Variants in PPP2CA observed in about 807,000 individuals in gnomAD.
PPP2CA encodes the protein protein phosphatase 2 catalytic subunit alpha.
PPP2CA carries 5 observed loss-of-function variants against 38.8 expected under a neutral mutation model. The ratio of observed to expected loss-of-function variants is 0.13; its 90% CI spans 0.07 to 0.27. The LOEUF is 0.27. PPP2CA is among the 10% of genes least tolerant of loss of function. The probability of loss-of-function intolerance (pLI) is 1.00; values close to 1 mark genes in which losing one functional copy is unlikely to be tolerated. For synonymous variants in PPP2CA, 152 were observed against 134.0 expected, an observed-to-expected ratio of 1.13 and a Z score of -0.93; for missense variants, 88 against 389.7, an observed-to-expected ratio of 0.23 and a Z score of 6.52.
intron 1 of PPP2CA, among the ~76,000 whole-genome samples, chr5:134,215,324 C>G (rs1227557163): frequency 6.6e-6 from 1 of 152,126 alleles, no homozygotes; most frequent in African/African-American, 2.4e-5. Context: ...AATCCCAGCA[C>G]TTCGGGAGGC....
At chr5:134,199,045 T>C (rs773312106) in intron 6 of PPP2CA, 41 bp downstream of exon 6, 10 of 1,462,862 alleles carry the variant, frequency 6.8e-6, no homozygotes, top group Non-Finnish European at 9.6e-6. Context: ...AAACCCTACA[T>C]ATTCAGTAAT....
chr5:134,206,915 A>G (rs1762095276), intron 1 of PPP2CA, among the ~76,000 whole-genome samples: 1 of 152,258 alleles, frequency 6.6e-6, no homozygotes, highest in South Asian at 2.1e-4. Context: ...GAGAAGGACC[A>G]CAAACAAGTA....
intron 1 of PPP2CA, among the ~76,000 whole-genome samples, chr5:134,215,586 A>G (rs984421666): frequency 6.6e-6 from 1 of 151,864 alleles, no homozygotes; most frequent in African/African-American, 2.4e-5. Context: ...AAAAATAAAA[A>G]TAAAAATAAA....
chr5:134,220,678 C>A (rs995319320), intron 1 of PPP2CA, among the ~76,000 whole-genome samples: 17 of 152,130 alleles, frequency 1.1e-4, no homozygotes, highest in African/African-American at 4.1e-4. Flanking sequence ...AAAGACCCCA[C>A]CAAACCCAGT....
chr5:134,218,244 T>C (rs1762362569), intron 1 of PPP2CA, among the ~76,000 whole-genome samples: 1 of 152,216 alleles, frequency 6.6e-6, no homozygotes, highest in Non-Finnish European at 1.5e-5. Flanking sequence ...TTCTAGTAAC[T>C]AGTATTTTCT....
At chr5:134,205,721 T>G (rs1762069436) in intron 2 of PPP2CA, 1 of 515,174 alleles carries the variant, frequency 1.9e-6, no homozygotes, top group Non-Finnish European at 3.5e-6. Context: ...TTCATTCTCC[T>G]CCTTTTGTTT....
Position 134,194,614 on chromosome 5 carries a change from GTT to G in PPP2CA, c.*3156_*3157del, listed in dbSNP as rs1761805005. 6.6e-6 allele frequency: 1 copy of G among 152,246 alleles called. No homozygotes were observed. Among genetic ancestry groups the G allele is most frequent in the Admixed American group, 6.5e-5 (1 of 15,268 alleles). The allele number at this position is 152,246 out of a possible 1,614,324, so 9.4% of individuals were successfully genotyped here. On this transcript the variant is annotated 3_prime_UTR_variant, in exon 7 of 7. Coordinates refer to ENST00000481195, the MANE Select transcript of PPP2CA (RefSeq NM_002715.4). Reference sequence around the variant, plus strand: ...TGTACTTAGGAAACAGCAGTGAGGTGTTTTTGTTTTTTGAGATGGAGTTTTGC... The same window carrying G: ...TGTACTTAGGAAACAGCAGTGAGGTGTTTGTTTTTTGAGATGGAGTTTTGC...
Position 134,225,820 on chromosome 5 carries a change from G to T in PPP2CA, c.42C>A (p.Ile14=). 6.2e-7 allele frequency: 1 copy of T among 1,610,728 alleles called. No individual in the cohort carries two copies. Among genetic ancestry groups the T allele is most frequent in the Non-Finnish European group, 8.5e-7 (1 of 1,179,188 alleles). Reference sequence around the variant, plus strand: ...GCTGCTTGCACTCGTTCAGCTGCTCGATCCACTGGTCCAGCTCCTTGGTGA... The same window carrying T: ...GCTGCTTGCACTCGTTCAGCTGCTCTATCCACTGGTCCAGCTCCTTGGTGA... ...KVFTKELDQW[I]EQLNECKQLS... The change falls in exon 1 of 7, where the codon ATC becomes ATA. Residue 14 remains isoleucine, a synonymous_variant. Coordinates refer to ENST00000481195, the MANE Select transcript of PPP2CA (RefSeq NM_002715.4).
chr5:134,218,256 T>C (rs76190333), intron 1 of PPP2CA, among the ~76,000 whole-genome samples: 15,106 of 152,202 alleles, frequency 0.099, 885 homozygotes, highest in Admixed American at 0.16. Context: ...GTATTTTCTG[T>C]TTGGCTCTAA....
At chr5:134,202,090 T>C (rs1761979286) in intron 2 of PPP2CA, 69 bp from the exon 3 acceptor site, 1 of 1,457,980 alleles carries the variant, frequency 6.9e-7, no homozygotes, top group Non-Finnish European at 9.2e-7. Flanking sequence ...CAAGAAACTT[T>C]CTATAGAAAA....
At chr5:134,220,456 C>CAAAAAA (rs10649430) in intron 1 of PPP2CA, among the ~76,000 whole-genome samples, 3,873 of 53,982 alleles carry the variant, frequency 0.072, 884 homozygotes, top group Non-Finnish European at 0.079. Context: ...GACTCTATCT[C>CAAAAAA]AAAAAAAAAA....
chr5:134,217,154 C>G (rs1762338509), intron 1 of PPP2CA, among the ~76,000 whole-genome samples: 1 of 152,104 alleles, frequency 6.6e-6, no homozygotes, highest in Non-Finnish European at 1.5e-5. Context: ...GTGGCGCATG[C>G]CTGTAATCCC....
intron 3 of PPP2CA, 115 bp from the exon 4 acceptor site, chr5:134,201,189 G>T: frequency 1.4e-6 from 1 of 722,796 alleles, no homozygotes. Flanking sequence ...AGGCAGGAGG[G>T]CTGCTTGAGG....
At chr5:134,207,426 A>C (rs986823932) in intron 1 of PPP2CA, among the ~76,000 whole-genome samples, 1 of 152,144 alleles carries the variant, frequency 6.6e-6, no homozygotes, top group Admixed American at 6.5e-5. Flanking sequence ...AAAAACACCA[A>C]TGCCCATTCC....
chr5:134,212,773 T>C (rs79419634), intron 1 of PPP2CA, among the ~76,000 whole-genome samples: 3 of 152,356 alleles, frequency 2.0e-5, no homozygotes, highest in African/African-American at 7.2e-5. Flanking sequence ...AAATAGTAAG[T>C]AAGCCAAACA....
At chr5:134,199,289 A>G (rs1580635947) in intron 5 of PPP2CA, 85 bp from the exon 6 acceptor site, 5 of 975,314 alleles carry the variant, frequency 5.1e-6, no homozygotes, top group Non-Finnish European at 6.4e-6. Context: ...AAAAATCTCT[A>G]CTCATTCCCA....
In PPP2CA at chr5:134,195,956, G is replaced by A. The variant is rs189175255; in HGVS notation, c.*1816C>T. 87 of 152,320 alleles carry A rather than the reference G, an allele frequency of 5.7e-4. No homozygotes were observed. Among genetic ancestry groups the A allele is most frequent in the African/African-American group, 1.9e-3 (81 of 41,572 alleles). 9.4% of individuals were successfully genotyped at this position (152,320 alleles called of 1,614,324 possible). The stretch of plus-strand genomic sequence containing the variant: ...GGACCGGAAAAAATAGCTGCTTGGT[G>A]TCTAGATTGTTTGGGTATTAAAACC... On this transcript the variant is annotated 3_prime_UTR_variant, in exon 7 of 7. Coordinates refer to ENST00000481195, the MANE Select transcript of PPP2CA (RefSeq NM_002715.4).
intron 6 of PPP2CA, 23 bp from the exon 7 acceptor site, chr5:134,197,867 G>A: frequency 6.2e-7 from 1 of 1,607,392 alleles, no homozygotes; most frequent in Non-Finnish European, 8.5e-7. Context: ...ACCGATTCAT[G>A]GTTTATGTTC....
intron 1 of PPP2CA, among the ~76,000 whole-genome samples, chr5:134,207,567 T>C (rs1762110833): frequency 6.6e-6 from 1 of 151,732 alleles, no homozygotes; most frequent in Admixed American, 6.6e-5. Flanking sequence ...CTAAGGCGGG[T>C]GGATGGCTTG....
Sources: allele counts gnomAD v4.1 joint callset (sites outside exome capture counted in the v4.1 genomes callset), GRCh38; gene constraint gnomAD v4.1.1; transcripts MANE v1.5; gene names NCBI Gene and HGNC (gene_info 2026-07-23, HGNC 2026-07-21).